Variants in SUGCT observed in about 807,000 individuals in gnomAD.
SUGCT encodes the protein succinyl-CoA:glutarate-CoA transferase, also known as succinyl-CoA:glutarate CoA-transferase.
A neutral mutation model predicts 55.0 loss-of-function variants in SUGCT; 41 were observed. That is an observed-to-expected ratio of 0.74 (90% CI 0.58 to 0.97). SUGCT has a LOEUF of 0.97. SUGCT is among the 50% of genes least tolerant of loss of function. SUGCT has a pLI of 0.00. For missense variants in SUGCT, 568 were observed against 547.8 expected (o/e 1.04, Z -0.37); for synonymous variants, 187 against 200.4 (o/e 0.93, Z 0.56).
At chr7:40,438,713 A>G (rs1788306136) in intron 9 of SUGCT, among the ~76,000 whole-genome samples, 1 of 152,024 alleles carries the variant, frequency 6.6e-6, no homozygotes, top group South Asian at 2.1e-4. Context: ...GACTGTTTAC[A>G]GCCCAATTCG....
chr7:40,952,605 C>G, the SUGCT span, among the ~76,000 whole-genome samples: 15 of 152,142 alleles, frequency 9.9e-5, no homozygotes, highest in Admixed American at 7.9e-4. Context: ...TTGTTCCTTT[C>G]CATGTTTAGT....
intron 7 of SUGCT, among the ~76,000 whole-genome samples, chr7:40,273,894 A>G (rs928900425): frequency 6.6e-6 from 1 of 152,160 alleles, no homozygotes; most frequent in Non-Finnish European, 1.5e-5. Flanking sequence ...CCAGTGCTCC[A>G]TGTCCCATAA....
chr7:40,495,361 T>C (rs1791913706), intron 11 of SUGCT, among the ~76,000 whole-genome samples: 1 of 152,252 alleles, frequency 6.6e-6, no homozygotes, highest in Non-Finnish European at 1.5e-5. Context: ...ATTGTTTCAC[T>C]AGCCCTTTCA....
At chr7:40,647,199 C>T (rs1800561805) in intron 12 of SUGCT, among the ~76,000 whole-genome samples, 1 of 152,196 alleles carries the variant, frequency 6.6e-6, no homozygotes, top group South Asian at 2.1e-4. Context: ...TATCAAGGCA[C>T]TTGAAGGATA....
intron 12 of SUGCT, among the ~76,000 whole-genome samples, chr7:40,523,176 C>A (rs1793635399): frequency 6.6e-6 from 1 of 151,784 alleles, no homozygotes; most frequent in Non-Finnish European, 1.5e-5. Context: ...GGATATTATT[C>A]TTTTTTATAT....
chr7:40,691,773 TA>T (rs1402394210), intron 12 of SUGCT, among the ~76,000 whole-genome samples: 1 of 152,192 alleles, frequency 6.6e-6, no homozygotes, highest in Non-Finnish European at 1.5e-5. Context: ...AATTCTTTTT[TA>T]TCTAAAGTTT....
At chr7:40,896,848 G>GA in the SUGCT span, among the ~76,000 whole-genome samples, 2 of 152,014 alleles carry the variant, frequency 1.3e-5, no homozygotes, top group Admixed American at 1.3e-4. Context: ...CACAGAAATA[G>GA]AAAAAACAAT....
chr7:40,313,408 A>G (rs1306043883), intron 8 of SUGCT, among the ~76,000 whole-genome samples: 8 of 152,186 alleles, frequency 5.3e-5, no homozygotes, highest in African/African-American at 1.4e-4. Context: ...GATTTTTTTC[A>G]TACATAATCA....
chr7:40,391,784 T>A (rs1467045216), intron 9 of SUGCT, among the ~76,000 whole-genome samples: 2 of 152,080 alleles, frequency 1.3e-5, no homozygotes, highest in African/African-American at 4.8e-5. Context: ...CCATTACTGG[T>A]CATATACCCG....
chr7:40,794,137 A>G (rs1401778542), intron 13 of SUGCT, among the ~76,000 whole-genome samples: 1 of 151,946 alleles, frequency 6.6e-6, no homozygotes, highest in Non-Finnish European at 1.5e-5. Flanking sequence ...TGCTTTCTCT[A>G]GTTCATGGTA....
chr7:40,303,281 G>A (rs983411913), intron 8 of SUGCT, among the ~76,000 whole-genome samples: 11 of 152,130 alleles, frequency 7.2e-5, no homozygotes, highest in African/African-American at 2.2e-4. Flanking sequence ...TGATCCGCCT[G>A]CCTCGGCCTC....
intron 1 of SUGCT, among the ~76,000 whole-genome samples, chr7:40,175,986 C>G (rs1000700505): frequency 1.3e-5 from 2 of 151,996 alleles, no homozygotes; most frequent in South Asian, 4.2e-4. Context: ...AATGCCAGCA[C>G]TGTGGGAGGC....
At chr7:40,136,097 A>T (rs1787678490) in intron 1 of SUGCT, among the ~76,000 whole-genome samples, 1 of 151,874 alleles carries the variant, frequency 6.6e-6, no homozygotes, top group Non-Finnish European at 1.5e-5. Context: ...CGCGGGTTCA[A>T]GCGATTCTCT....
chr7:40,374,855 T>G (rs959473578), intron 9 of SUGCT, among the ~76,000 whole-genome samples: 20 of 152,164 alleles, frequency 1.3e-4, no homozygotes, highest in South Asian at 4.1e-4. Context: ...TTATCTGGCT[T>G]GAGCCTAGGT....
At chr7:40,972,376 G>T in the SUGCT span, among the ~76,000 whole-genome samples, 1 of 152,198 alleles carries the variant, frequency 6.6e-6, no homozygotes, top group Non-Finnish European at 1.5e-5. Flanking sequence ...CCATTTCATG[G>T]ATGCTGGTAG....
intron 13 of SUGCT, among the ~76,000 whole-genome samples, chr7:40,792,752 A>T (rs1299315388): frequency 1.3e-5 from 2 of 152,226 alleles, no homozygotes; most frequent in East Asian, 3.9e-4. Flanking sequence ...TTTTAAAGAC[A>T]GTTTGATTTT....
intron 13 of SUGCT, among the ~76,000 whole-genome samples, chr7:40,784,804 T>C (rs1247994681): frequency 6.6e-6 from 1 of 152,218 alleles, no homozygotes; most frequent in Admixed American, 6.5e-5. Context: ...TTTTGTTACC[T>C]GTAGCAAGTC....
intron 7 of SUGCT, among the ~76,000 whole-genome samples, chr7:40,244,356 G>C (rs1309957967): frequency 6.6e-6 from 1 of 152,156 alleles, no homozygotes; most frequent in African/African-American, 2.4e-5. Context: ...AGAGAAGCAG[G>C]AAGGAATCAG....
At chr7:40,717,991 A>T (rs1464441211) in intron 12 of SUGCT, among the ~76,000 whole-genome samples, 1 of 152,156 alleles carries the variant, frequency 6.6e-6, no homozygotes, top group Non-Finnish European at 1.5e-5. Context: ...ATGAAAAGTT[A>T]TTTTCTATTT....
Sources: gnomAD v4.1 joint callset for allele counts (sites outside exome capture counted in the v4.1 genomes callset) on GRCh38, gnomAD v4.1.1 for gene constraint, MANE v1.5 for transcripts, NCBI Gene and HGNC (gene_info 2026-07-23, HGNC 2026-07-21) for gene names.